The following NTNG2 variants were observed in gnomAD, a reference collection of about 807,000 sequenced individuals.
NTNG2 encodes the protein netrin G2, also known as netrin-G2.
A neutral mutation model predicts 47.6 loss-of-function variants in NTNG2; 15 were observed. That is an observed-to-expected ratio of 0.32 (90% confidence interval 0.21 to 0.49). The LOEUF (loss-of-function observed/expected upper bound fraction) is 0.49. NTNG2 is among the 20% of genes least tolerant of loss of function. The pLI, the probability that NTNG2 is intolerant of heterozygous loss-of-function variation, is 0.99. For missense variants in NTNG2, 578 were observed against 764.6 expected (o/e 0.76, Z 2.88); for synonymous variants, 307 against 324.6 (o/e 0.95, Z 0.58).
intron 2 of NTNG2, among the ~76,000 whole-genome samples, chr9:132,189,006 T>G (rs1837626767): frequency 6.7e-6 from 1 of 148,974 alleles, no homozygotes; most frequent in Non-Finnish European, 1.5e-5. Context: ...GACAGATTAA[T>G]ACCACCAAAG....
chr9:132,176,354 C>G (rs1191814825), intron 2 of NTNG2, among the ~76,000 whole-genome samples: 2 of 152,230 alleles, frequency 1.3e-5, no homozygotes, highest in Non-Finnish European at 1.5e-5. Context: ...TCCCCATCTC[C>G]TTCCCCTGCC....
intron 5 of NTNG2, among the ~76,000 whole-genome samples, 162 bp downstream of exon 5, chr9:132,230,757 TCCCCCCTCCACCTC>T (rs961985996): frequency 2.1e-5 from 3 of 145,854 alleles, no homozygotes; most frequent in African/African-American, 2.5e-5. Context: ...TCTCCACCTC[TCCCCCCTCCACCTC>T]CCCCCCTCCA....
chr9:132,199,478 C>T (rs1838577382), intron 3 of NTNG2, among the ~76,000 whole-genome samples: 1 of 152,224 alleles, frequency 6.6e-6, no homozygotes, highest in South Asian at 2.1e-4. Context: ...GTGCAGGCAG[C>T]ACTTGATTCT....
At chr9:132,194,804 G>A (rs1416601775) in intron 2 of NTNG2, among the ~76,000 whole-genome samples, 1 of 152,250 alleles carries the variant, frequency 6.6e-6, no homozygotes, top group Non-Finnish European at 1.5e-5. Context: ...CCACCGAGGA[G>A]CCCCAGGCAG....
chr9:132,223,748 C>G (rs553854579), intron 3 of NTNG2, among the ~76,000 whole-genome samples: 1 of 152,214 alleles, frequency 6.6e-6, no homozygotes, highest in South Asian at 2.1e-4. Context: ...CCTCTATTCG[C>G]AGGATCTCAC....
At chr9:132,216,709 C>T (rs1282724408) in intron 3 of NTNG2, among the ~76,000 whole-genome samples, 1 of 152,008 alleles carries the variant, frequency 6.6e-6, no homozygotes. Context: ...ATTGATGGTT[C>T]CTGAGGGTCA....
chr9:132,185,591 C>A (rs934597831), intron 2 of NTNG2, among the ~76,000 whole-genome samples: 7 of 152,138 alleles, frequency 4.6e-5, no homozygotes, highest in Non-Finnish European at 2.9e-5. Flanking sequence ...ATCAATAATG[C>A]ACTTTCCTGG....
Position 132,210,499 on chromosome 9 carries a change from A to T in NTNG2, c.857+11890A>T, listed in dbSNP as rs550023994. Among the ~76,000 whole-genome samples, 4 of 152,286 alleles carry T rather than the reference A, an allele frequency of 2.6e-5. No individual in the cohort carries two copies. The South Asian group carries it at 6.2e-4, about 24-fold the overall frequency. ...CATGCAGGAATGAGAAGCTCAGTTC[A>T]TAGTAGGTATAGCCAAAGGTACTTT... On this transcript the variant is annotated intron_variant, in intron 3 of 7. Transcript: ENST00000393229.
chr9:132,228,558 C>CTT (rs56250915), intron 4 of NTNG2, among the ~76,000 whole-genome samples: 150 of 145,134 alleles, frequency 1.0e-3, no homozygotes, highest in Middle Eastern at 7.0e-3. Flanking sequence ...TCACACCCTC[C>CTT]TTTTTTTTTT....
chr9:132,201,850 C>T (rs1366294542), intron 3 of NTNG2, among the ~76,000 whole-genome samples: 2 of 152,188 alleles, frequency 1.3e-5, no homozygotes, highest in Non-Finnish European at 2.9e-5. Flanking sequence ...ACTGAGCAAG[C>T]CAGACCTGAT....
chr9:132,198,093 G>C lies in NTNG2; in HGVS notation c.341G>C (p.Arg114Pro). The C allele has an allele frequency of 5.0e-6, 8 of 1,613,850 alleles. No individual in the cohort carries two copies. The highest frequency in any genetic ancestry group is 6.8e-6 in the Non-Finnish European group (8 of 1,179,976). ...ATYWQSITWSRYPSPLEANIT... is the reference protein window; with the variant it reads ...ATYWQSITWSPYPSPLEANIT... The stretch of plus-strand genomic sequence containing the variant: ...TACTGGCAGAGCATCACCTGGAGCC[G>C]CTACCCCAGCCCGCTGGAAGCCAAC... Residue 114 changes from arginine to proline, a missense_variant, in exon 3 of 8, where the codon CGC (arginine) becomes CCC (proline). Physicochemically the swap from Arg to Pro is moderately radical, Grantham distance 103. Transcript: ENST00000393229.
chr9:132,227,173 G>A (rs993848519), intron 4 of NTNG2, 152 bp downstream of exon 4: 11 of 871,326 alleles, frequency 1.3e-5, no homozygotes, highest in Middle Eastern at 3.0e-4. Context: ...AGAAACATAC[G>A]AGCATGCATG....
intron 2 of NTNG2, among the ~76,000 whole-genome samples, chr9:132,172,652 G>T (rs1322939005): frequency 1.3e-5 from 2 of 151,074 alleles, no homozygotes; most frequent in East Asian, 3.9e-4. Context: ...TTTCCTGAAT[G>T]AATGGATGCA....
chr9:132,184,082 G>A (rs1034445928), intron 2 of NTNG2, among the ~76,000 whole-genome samples: 5 of 152,176 alleles, frequency 3.3e-5, no homozygotes, highest in African/African-American at 4.8e-5. Flanking sequence ...CTCACTACTC[G>A]CACCCACCCC....
rs1838425157 is a variant in NTNG2, at chr9:132,197,814, A to G, written c.214-152A>G. 1.4e-6 allele frequency: 1 copy of G among 704,498 alleles called. No individual in the cohort carries two copies. The highest frequency in any genetic ancestry group is 2.9e-5 in the Admixed American group (1 of 34,228). 43.6% of individuals were successfully genotyped at this position (704,498 alleles called of 1,614,324 possible). On this transcript the variant is annotated intron_variant, in intron 2 of 7. Transcript: ENST00000393229. The surrounding 1 kb of genome is among the most constrained non-coding windows in gnomAD (Gnocchi z 4.3). ...GCACGCATTGAGGAAATGGGCACAA[A>G]TCTCCCAGCTGTGTCTGGGCACCGG...
chr9:132,185,522 C>T (rs1428746511), intron 2 of NTNG2, among the ~76,000 whole-genome samples: 1 of 152,134 alleles, frequency 6.6e-6, no homozygotes, highest in Non-Finnish European at 1.5e-5. Context: ...TTATGCTCTG[C>T]ACAAGCTTTT....
intron 2 of NTNG2, among the ~76,000 whole-genome samples, chr9:132,177,207 G>C (rs945172732): frequency 6.6e-6 from 1 of 152,162 alleles, no homozygotes; most frequent in African/African-American, 2.4e-5. Context: ...GGCTGGTCTC[G>C]AACTCCTGGC....
At chr9:132,205,378 A>G (rs576780278) in intron 3 of NTNG2, among the ~76,000 whole-genome samples, 3 of 152,316 alleles carry the variant, frequency 2.0e-5, no homozygotes, top group African/African-American at 7.2e-5. Context: ...GTACCATATG[A>G]TTCTGCTTAC....
intron 4 of NTNG2, 67 bp downstream of exon 4, chr9:132,227,088 A>T: frequency 6.7e-7 from 1 of 1,486,890 alleles, no homozygotes; most frequent in Non-Finnish European, 9.0e-7. Context: ...CAATCCCAGG[A>T]GCTGTGGATC....
Sources: gnomAD v4.1 joint callset for allele counts (sites outside exome capture counted in the v4.1 genomes callset) on GRCh38, gnomAD v4.1.1 for gene constraint, Gnocchi (gnomAD v3.1) non-coding constraint, MANE v1.5 for transcripts, NCBI Gene and HGNC (gene_info 2026-07-23, HGNC 2026-07-21) for gene names.